Variants in SH3KBP1 observed in about 807,000 individuals in gnomAD.
SH3KBP1 encodes the protein SH3 domain containing kinase binding protein 1.
Under a neutral mutation model 50.1 loss-of-function variants are expected in SH3KBP1, and 8 were observed. The ratio of observed to expected loss-of-function variants is 0.16; its 90% confidence interval spans 0.09 to 0.29. The LOEUF is 0.29. Ranked by LOEUF, SH3KBP1 falls within the 10% of genes least tolerant of loss-of-function variation. The pLI, the probability that SH3KBP1 is intolerant of heterozygous loss-of-function variation, is 1.00. For synonymous variants in SH3KBP1, 227 were observed against 218.6 expected (o/e 1.04, Z -0.34); for missense variants, 377 against 535.2 (o/e 0.70, Z 2.92).
intron 2 of SH3KBP1, among the ~76,000 whole-genome samples, chrX:19,822,241 T>C (rs779384723): frequency 1.2e-4 from 14 of 112,387 alleles, no homozygotes; most frequent in Admixed American, 9.5e-4. Context: ...CAGTCATCAT[T>C]TCGTTCAATA....
At chrX:19,838,063 A>G (rs755741691) in intron 1 of SH3KBP1, among the ~76,000 whole-genome samples, 1 of 84,239 alleles carries the variant, frequency 1.2e-5, no homozygotes, top group East Asian at 3.0e-4. Context: ...TGAGTAAAAC[A>G]ACAACAACAA....
chrX:19,781,022 C>A (rs2066160906), intron 2 of SH3KBP1, among the ~76,000 whole-genome samples: 1 of 111,305 alleles, frequency 9.0e-6, no homozygotes, highest in African/African-American at 3.3e-5. Flanking sequence ...TTTTCAAGGG[C>A]AAAAAAAGAT....
chrX:19,640,535 C>T (rs1189378791), intron 7 of SH3KBP1, among the ~76,000 whole-genome samples: 1 of 107,492 alleles, frequency 9.3e-6, no homozygotes, highest in Non-Finnish European at 1.9e-5. Context: ...AACATCCACA[C>T]GTCCCCCGGT....
rs2064706980 is a variant in SH3KBP1, at chrX:19,536,372, T to C, written c.*45A>G. 1.1e-6 allele frequency: 1 copy of C among 932,482 alleles called. No homozygotes were observed. 76.8% of individuals were successfully genotyped at this position (932,482 alleles called of 1,213,427 possible). A position where few individuals can be genotyped will look rare whatever the true frequency, so the allele number is the denominator to read the frequency against. ...TTTTGGCTGGGGCAGAAAATTTGAG[T>C]CTCGGACTCAGGATGAATAATGTGA... On this transcript the variant is annotated 3_prime_UTR_variant, in exon 18 of 18. Coordinates refer to ENST00000397821, the MANE Select transcript of SH3KBP1 (RefSeq NM_031892.3).
At chrX:19,799,088 T>C (rs939365699) in intron 2 of SH3KBP1, among the ~76,000 whole-genome samples, 5 of 110,679 alleles carry the variant, frequency 4.5e-5, no homozygotes, top group African/African-American at 1.6e-4. Context: ...TCCCATCTCA[T>C]TCTTACCCCC....
rs1007644312 is a variant in SH3KBP1 at position 19,768,931 on chromosome X, T to G, written c.163-22490A>C. On this transcript the variant is annotated intron_variant, in intron 2 of 17. Transcript: ENST00000397821. ...GTGTACACACACACACACATTTGGG[T>G]TTTTTTTTTTAAATTAGTAAGATCT... 4.9e-5 allele frequency among the ~76,000 whole-genome samples: 4 copies of G among 82,239 alleles called. No individual in the cohort carries two copies. The East Asian group carries it at 1.5e-3, about 31-fold the overall frequency. 71.4% of individuals were successfully genotyped at this position (82,239 alleles called of 115,157 possible). A position where few individuals can be genotyped will look rare whatever the true frequency, so the allele number is the denominator to read the frequency against.
chrX:19,810,970 C>T (rs886870382), intron 2 of SH3KBP1, among the ~76,000 whole-genome samples: 2 of 112,104 alleles, frequency 1.8e-5, no homozygotes, highest in South Asian at 3.7e-4. Flanking sequence ...CCACACTAAC[C>T]TCCATATTCA....
intron 7 of SH3KBP1, among the ~76,000 whole-genome samples, chrX:19,640,538 C>T (rs1239762195): frequency 1.9e-5 from 2 of 107,855 alleles, no homozygotes; most frequent in Non-Finnish European, 3.8e-5. Context: ...ATCCACACGT[C>T]CCCCGGTGTG....
chrX:19,674,008 C>T (rs760348210), intron 6 of SH3KBP1, among the ~76,000 whole-genome samples: 93 of 112,709 alleles, frequency 8.3e-4, no homozygotes, highest in Non-Finnish European at 1.1e-3. Flanking sequence ...TATCCCATCC[C>T]TTCCTTCTTG....
intron 6 of SH3KBP1, among the ~76,000 whole-genome samples, chrX:19,658,502 T>C (rs750611536): frequency 1.8e-5 from 2 of 112,126 alleles, no homozygotes; most frequent in South Asian, 7.4e-4. Context: ...GCTCCTCTAT[T>C]TTATAGAAAA....
chrX:19,860,786 C>T (rs1037503674), intron 1 of SH3KBP1, among the ~76,000 whole-genome samples: 1 of 111,427 alleles, frequency 9.0e-6, no homozygotes, highest in Admixed American at 9.6e-5. Flanking sequence ...AAATGCAACA[C>T]GGATTCTGAA....
rs773012945 is a variant in SH3KBP1 at position 19,847,601 on chromosome X, C to A, written c.5-11319G>T. Among the ~76,000 whole-genome samples the A allele has an allele frequency of 3.6e-5, 4 of 112,043 alleles. No individual in the cohort carries two copies. The East Asian group carries it at 1.1e-3, about 31-fold the overall frequency. Reference sequence around the variant, plus strand: ...CTCCCAGACATCTAATCTGGAGATACCATCTAGCATATCTGCAACACCATA... The same window carrying A: ...CTCCCAGACATCTAATCTGGAGATAACATCTAGCATATCTGCAACACCATA... On this transcript the variant is annotated intron_variant, in intron 1 of 17. Transcript: ENST00000397821.
At chrX:19,836,037 T>G in intron 2 of SH3KBP1, 88 bp downstream of exon 2, 1 of 848,513 alleles carries the variant, frequency 1.2e-6, no homozygotes, top group Non-Finnish European at 1.7e-6. Context: ...CTAAGAGAGT[T>G]CATGCAATTC....
intron 14 of SH3KBP1, among the ~76,000 whole-genome samples, 179 bp from the exon 15 acceptor site, chrX:19,546,229 G>C (rs923088069): frequency 2.6e-4 from 29 of 112,529 alleles, no homozygotes; most frequent in Non-Finnish European, 7.5e-5. Context: ...TAGCTGATTA[G>C]TGGCAGAACT....
chrX:19,626,165 G>A (rs745488226), intron 8 of SH3KBP1, among the ~76,000 whole-genome samples: 37 of 111,261 alleles, frequency 3.3e-4, no homozygotes, highest in African/African-American at 1.0e-3. Flanking sequence ...CTATCATTAA[G>A]TTAATTAAAT....
At chrX:19,541,097 AG>A (rs2064876603) in intron 16 of SH3KBP1, among the ~76,000 whole-genome samples, 1 of 111,240 alleles carries the variant, frequency 9.0e-6, no homozygotes, top group East Asian at 2.8e-4. Context: ...TTGTATTTTT[AG>A]TAGAGACAGG....
At chrX:19,839,771 C>T (rs1433271266) in intron 1 of SH3KBP1, among the ~76,000 whole-genome samples, 2 of 112,203 alleles carry the variant, frequency 1.8e-5, no homozygotes, top group Non-Finnish European at 3.8e-5. Context: ...CAAGCTGTGT[C>T]TTGTCTTCCC....
intron 8 of SH3KBP1, among the ~76,000 whole-genome samples, chrX:19,610,581 T>A (rs1046815039): frequency 8.9e-6 from 1 of 112,093 alleles, no homozygotes; most frequent in African/African-American, 3.2e-5. Context: ...ATGCAAAATA[T>A]ATTTAAGCTC....
intron 8 of SH3KBP1, among the ~76,000 whole-genome samples, chrX:19,608,498 G>A (rs777264972): frequency 9.2e-6 from 1 of 109,154 alleles, no homozygotes; most frequent in East Asian, 2.9e-4. Context: ...TAGTAGAGAC[G>A]GGGTTTCACC....
Sources: allele counts gnomAD v4.1 joint callset (sites outside exome capture counted in the v4.1 genomes callset), GRCh38; gene constraint gnomAD v4.1.1; transcripts MANE v1.5; gene names NCBI Gene and HGNC (gene_info 2026-07-23, HGNC 2026-07-21).